Variants in TEX15 observed in about 807,000 individuals in gnomAD.
The protein encoded by TEX15 is testis expressed 15, meiosis and synapsis associated, also known as testis-expressed protein 15.
Under a neutral mutation model 237.3 loss-of-function variants are expected in TEX15, and 171 were observed. The ratio of observed to expected loss-of-function variants is 0.72; its 90% CI spans 0.64 to 0.82. TEX15 has a LOEUF of 0.82. Among genes scored for constraint, TEX15 ranks in the 40% least tolerant of loss-of-function variants. The pLI, the probability that TEX15 is intolerant of heterozygous loss-of-function variation, is 0.00. For synonymous variants in TEX15, 1,338 were observed against 1,269.8 expected (o/e 1.05, Z -1.14); for missense variants, 3,750 against 3,646.5 (o/e 1.03, Z -0.73).
chr8:30,899,788 A>G (rs1414738894), intron 1 of TEX15, among the ~76,000 whole-genome samples: 1 of 152,166 alleles, frequency 6.6e-6, no homozygotes, highest in Admixed American at 6.5e-5. Context: ...CCTAACTCTG[A>G]CCGTATGCAC....
chr8:30,886,585 TG>T (rs143369172), intron 3 of TEX15, among the ~76,000 whole-genome samples: 1 of 152,028 alleles, frequency 6.6e-6, no homozygotes, highest in African/African-American at 2.4e-5. Flanking sequence ...ACTGGCACCA[TG>T]GGGAAGGAAA....
intron 3 of TEX15, among the ~76,000 whole-genome samples, chr8:30,884,647 C>A (rs934965268): frequency 6.6e-6 from 1 of 152,130 alleles, no homozygotes; most frequent in Non-Finnish European, 1.5e-5. Flanking sequence ...ATCCCTTATC[C>A]TTTTAATGCC....
At chr8:30,882,041 G>C (rs569850639) in intron 3 of TEX15, among the ~76,000 whole-genome samples, 2 of 152,260 alleles carry the variant, frequency 1.3e-5, no homozygotes, top group African/African-American at 4.8e-5. Context: ...CTTTAACCAT[G>C]TCCCTCAAAT....
At chr8:30,856,566 AACAAAAT>A (rs1807917906) in intron 7 of TEX15, among the ~76,000 whole-genome samples, 1 of 152,030 alleles carries the variant, frequency 6.6e-6, no homozygotes, top group Non-Finnish European at 1.5e-5. Flanking sequence ...AACAAAACAA[AACAAAAT>A]ACCTTAAATT....
rs1279084397 is a variant in TEX15 at position 30,847,213 on chromosome 8, A to G, written c.2954T>C (p.Ile985Thr). ...SSVCVASNAA[I>T]QIASATMPAL... ...AGGCATAGTAGCACTAGCTATCTGT[A>G]TTGCAGCATTTGAGGCTACACACAC... The change falls in exon 8 of 11, where the codon ATA (isoleucine) becomes ACA (threonine). Residue 985 changes from isoleucine to threonine, a missense_variant. By Grantham distance (89) the Ile-to-Thr change is moderately conservative. Coordinates refer to ENST00000643185, the MANE Select transcript of TEX15 (RefSeq NM_001350162.2). The G allele has an allele frequency of 1.2e-6, 2 of 1,613,866 alleles. No homozygotes were observed. Among genetic ancestry groups the G allele is most frequent in the South Asian group, 2.2e-5 (2 of 91,076 alleles).
intron 10 of TEX15, among the ~76,000 whole-genome samples, chr8:30,834,478 C>A (rs568167813): frequency 6.2e-5 from 6 of 97,056 alleles, no homozygotes; most frequent in Admixed American, 5.0e-4. Context: ...AGCCTTTTTT[C>A]CCCTCTTTTA....
Position 30,837,217 on chromosome 8 carries a change from C to T in TEX15, c.9067G>A (p.Ala3023Thr). ...ATYWNELPQSACNPTYNSSEH... is the reference protein window; with the variant it reads ...ATYWNELPQSTCNPTYNSSEH... ...GAAGAATTATATGTTGGGTTACATG[C>T]AGACTGTGGAAGTTCATTCCAATAT... is the stretch of plus-strand genomic sequence containing the variant. The change falls in exon 10 of 11, where the codon GCA becomes ACA. Residue 3023 changes from alanine to threonine, a missense_variant. Transcript: ENST00000643185. The T allele has an allele frequency of 1.2e-6, 2 of 1,614,102 alleles. No homozygotes were observed. Among genetic ancestry groups the T allele is most frequent in the Non-Finnish European group, 1.7e-6 (2 of 1,180,024 alleles).
intron 1 of TEX15, among the ~76,000 whole-genome samples, chr8:30,906,469 A>G (rs1809104932): frequency 6.6e-6 from 1 of 152,054 alleles, no homozygotes; most frequent in Non-Finnish European, 1.5e-5. Context: ...AGGCACCTGT[A>G]ATCCCAGCTA....
intron 3 of TEX15, among the ~76,000 whole-genome samples, chr8:30,879,940 A>G (rs922896053): frequency 9.6e-6 from 1 of 103,720 alleles, no homozygotes; most frequent in Non-Finnish European, 1.7e-5. Flanking sequence ...TTTTTTTTTA[A>G]AAAAAAAAAT....
intron 3 of TEX15, among the ~76,000 whole-genome samples, chr8:30,884,708 T>C (rs1004829472): frequency 6.6e-6 from 1 of 152,182 alleles, no homozygotes; most frequent in Non-Finnish European, 1.5e-5. Context: ...CAGTAATCTG[T>C]GCTCCCTTTT....
At chr8:30,869,077 G>GA (rs959667248) in intron 4 of TEX15, among the ~76,000 whole-genome samples, 138 of 146,664 alleles carry the variant, frequency 9.4e-4, no homozygotes, top group Non-Finnish European at 4.2e-4. Flanking sequence ...AACTATATTT[G>GA]AAAAAAAAAT....
intron 2 of TEX15, among the ~76,000 whole-genome samples, chr8:30,895,380 T>TA (rs753746324): frequency 4.8e-5 from 7 of 146,902 alleles, no homozygotes; most frequent in Admixed American, 1.4e-4. Flanking sequence ...TAAAGTTAAA[T>TA]AATACATTGC....
chr8:30,875,167 C>G (rs1159588278), intron 3 of TEX15, 65 bp from the exon 4 acceptor site: 5 of 1,023,990 alleles, frequency 4.9e-6, no homozygotes, highest in Middle Eastern at 2.9e-4. Flanking sequence ...TGTACAATGA[C>G]AACTGTATCT....
rs115394598 is a variant in TEX15 at position 30,855,037 on chromosome 8, G to A, written c.850+3631C>T. Among the ~76,000 whole-genome samples the A allele has an allele frequency of 9.4e-3, 1,427 of 152,196 alleles. 25 individuals carry two copies. The highest frequency in any genetic ancestry group is 0.032 in the African/African-American group (1,327 of 41,520). On this transcript the variant is annotated intron_variant, in intron 7 of 10. Coordinates refer to ENST00000643185, the MANE Select transcript of TEX15 (RefSeq NM_001350162.2). ...CATACTTCCTGGTAAAAGACTGGAT[G>A]CCTTCCCCCTAAATTCAAGAATACA... is the stretch of plus-strand genomic sequence containing the variant.
rs1807633580 is a variant in TEX15, at chr8:30,846,991, C to T, written c.3176G>A (p.Ser1059Asn). Residue 1059 changes from serine (S) to asparagine (N), a missense_variant, in exon 8 of 11, where the codon AGT (serine) becomes AAT (asparagine). Transcript: ENST00000643185. ...ATCTTCTAATTCTATTTCAATTTCA[C>T]TTTCCAATTCAATGCTCTGAAGAAC... ...NLVLQSIELESEIEIELEDCD... is the reference protein window; with the variant it reads ...NLVLQSIELENEIEIELEDCD... 6.2e-7 allele frequency: 1 copy of T among 1,613,588 alleles called. No homozygotes were observed. The highest frequency in any genetic ancestry group is 1.3e-5 in the African/African-American group (1 of 75,046).
chr8:30,860,165 A>C, intron 5 of TEX15, 108 bp from the exon 6 acceptor site: 9 of 1,005,182 alleles, frequency 9.0e-6, no homozygotes, highest in Non-Finnish European at 1.1e-5. Flanking sequence ...TTTCTGAGAC[A>C]GGGTCTCACT....
rs1419718934 is a variant in TEX15 at position 30,839,922 on chromosome 8, T to C, written c.8206A>G (p.Thr2736Ala). 5 of 1,601,872 alleles carry C rather than the reference T, an allele frequency of 3.1e-6. No homozygotes were observed. The highest frequency in any genetic ancestry group is 4.3e-6 in the Non-Finnish European group (5 of 1,174,416). Residue 2736 changes from threonine to alanine, a missense_variant, in exon 9 of 11, where the codon ACA (threonine) becomes GCA (alanine). Transcript: ENST00000643185. ...DVTKINREKATFKHPRTTGSH... is the reference protein window; with the variant it reads ...DVTKINREKAAFKHPRTTGSH... ...AACTCCTACCTTGGATGCTTGAATG[T>C]TGCCTTTTCTCTGTTGATTTTTGTG...
intron 1 of TEX15, among the ~76,000 whole-genome samples, chr8:30,899,406 T>A (rs1808965506): frequency 6.6e-6 from 1 of 152,152 alleles, no homozygotes; most frequent in Admixed American, 6.5e-5. Flanking sequence ...GATGCTTAAG[T>A]ATGGATCTAA....
At chr8:30,839,841 G>T in intron 9 of TEX15, 65 bp downstream of exon 9, 1 of 981,374 alleles carries the variant, frequency 1.0e-6, no homozygotes, top group Non-Finnish European at 1.6e-6. Flanking sequence ...TGTTATTCTA[G>T]TTGTTTAGTA....
Sources: gnomAD v4.1 joint callset for allele counts (sites outside exome capture counted in the v4.1 genomes callset) on GRCh38, gnomAD v4.1.1 for gene constraint, MANE v1.5 for transcripts, NCBI Gene and HGNC (gene_info 2026-07-23, HGNC 2026-07-21) for gene names.